GRIN2B: variants seen among roughly 807,000 people sequenced by gnomAD.
The protein encoded by GRIN2B is glutamate ionotropic receptor NMDA type subunit 2B, also known as glutamate receptor ionotropic, NMDA 2B.
A neutral mutation model predicts 114.5 loss-of-function variants in GRIN2B; 5 were observed. The observed-to-expected ratio is 0.04, with a 90% CI of 0.02 to 0.09. The LOEUF (loss-of-function observed/expected upper bound fraction) is 0.09, where lower values mean the gene tolerates loss of function less well. GRIN2B is among the 10% of genes least tolerant of loss of function. GRIN2B has a pLI of 1.00. For synonymous variants in GRIN2B, 787 were observed against 745.1 expected, an observed-to-expected ratio of 1.06 and a Z score of -0.92; for missense variants, 1,108 against 1,943.5, an observed-to-expected ratio of 0.57 and a Z score of 8.08.
At chr12:13,817,374 A>G (rs780054480) in intron 3 of GRIN2B, among the ~76,000 whole-genome samples, 1 of 152,168 alleles carries the variant, frequency 6.6e-6, no homozygotes, top group Non-Finnish European at 1.5e-5. Flanking sequence ...GTTAGTCAGC[A>G]GATGCTCGGG....
chr12:13,942,008 G>A (rs1181944040), intron 2 of GRIN2B, among the ~76,000 whole-genome samples: 1 of 152,168 alleles, frequency 6.6e-6, no homozygotes, highest in Non-Finnish European at 1.5e-5. Flanking sequence ...AAGTTTGTGT[G>A]CCCCATAGCA....
At chr12:13,848,968 T>C (rs1041473479) in intron 3 of GRIN2B, among the ~76,000 whole-genome samples, 20 of 152,188 alleles carry the variant, frequency 1.3e-4, no homozygotes, top group Non-Finnish European at 1.5e-5. Flanking sequence ...TTCCCTTTCA[T>C]TGACCAGTGA....
intron 2 of GRIN2B, among the ~76,000 whole-genome samples, chr12:13,898,401 C>T (rs1157870710): frequency 6.6e-6 from 1 of 152,234 alleles, no homozygotes; most frequent in Admixed American, 6.5e-5. Context: ...GACCACACAA[C>T]TAATAAATGG....
intron 2 of GRIN2B, among the ~76,000 whole-genome samples, chr12:13,944,536 A>G (rs172677): frequency 0.64 from 96,589 of 151,832 alleles, 31,229 homozygotes; most frequent in East Asian, 0.95. Flanking sequence ...TGCCTTTGAG[A>G]AAAATGGTAA....
Position 13,538,180 on chromosome 12 carries a change from T to G in GRIN2B, c.*24603A>C, listed in dbSNP as rs549281910. On this transcript the variant is annotated 3_prime_UTR_variant, in exon 14 of 14. Transcript: ENST00000609686. ...CCTGGGACAGCCAAGGAGGCTCATC[T>G]TTCCGGAACAGTTGGCTGATGGGGA... 1 of 152,220 alleles carries G rather than the reference T, an allele frequency of 6.6e-6. No homozygotes were observed. The highest frequency in any genetic ancestry group is 1.5e-5 in the Non-Finnish European group (1 of 68,058). 9.4% of individuals were successfully genotyped at this position (152,220 alleles called of 1,614,324 possible). A position where few individuals can be genotyped will look rare whatever the true frequency, so the allele number is the denominator to read the frequency against.
intron 2 of GRIN2B, among the ~76,000 whole-genome samples, chr12:13,878,290 A>G (rs1055200750): frequency 2.6e-5 from 4 of 152,138 alleles, no homozygotes; most frequent in Admixed American, 2.6e-4. Context: ...GGCTGGTTGT[A>G]TCACTTGACT....
chr12:13,821,128 T>G (rs1214659167), intron 3 of GRIN2B, among the ~76,000 whole-genome samples: 1 of 152,072 alleles, frequency 6.6e-6, no homozygotes, highest in Non-Finnish European at 1.5e-5. Flanking sequence ...CCATTTTTCT[T>G]GAATGCTTTC....
chr12:13,735,083 G>A (rs941532824), intron 4 of GRIN2B, among the ~76,000 whole-genome samples: 6 of 152,194 alleles, frequency 3.9e-5, no homozygotes, highest in Non-Finnish European at 2.9e-5. Context: ...GCCAAGAAAT[G>A]TGGACCACAT....
rs1477927475 is a variant in GRIN2B, at chr12:13,543,784, T to C, written c.*18999A>G. On this transcript the variant is annotated 3_prime_UTR_variant, in exon 14 of 14. Transcript: ENST00000609686. ...TAACTGATGAACTCCTTTCATAGTTTACTAAAAATCAATCAGAAAAAGCAT... is the reference window on the plus strand; with the variant it reads ...TAACTGATGAACTCCTTTCATAGTTCACTAAAAATCAATCAGAAAAAGCAT... 1 of 152,158 alleles carries C rather than the reference T, an allele frequency of 6.6e-6. No individual in the cohort carries two copies. The highest frequency in any genetic ancestry group is 6.5e-5 in the Admixed American group (1 of 15,278). 9.4% of individuals were successfully genotyped at this position (152,158 alleles called of 1,614,324 possible).
chr12:13,603,712 A>G lies in GRIN2B; in HGVS notation c.2010+4891T>C, dbSNP rs142130018. ...TGGAATCAAGGCATTACATTAAAGGATAGGGAATTAAATAGGAAAGTGGGG... is the reference window on the plus strand; with the variant it reads ...TGGAATCAAGGCATTACATTAAAGGGTAGGGAATTAAATAGGAAAGTGGGG... On this transcript the variant is annotated intron_variant, in intron 10 of 13. Transcript: ENST00000609686. Among the ~76,000 whole-genome samples, 1,032 of 152,086 alleles carry G rather than the reference A, an allele frequency of 6.8e-3. 6 individuals carry two copies. Among genetic ancestry groups the G allele is most frequent in the Middle Eastern group, 0.021 (6 of 292 alleles).
intron 2 of GRIN2B, among the ~76,000 whole-genome samples, chr12:13,897,240 G>T (rs981010849): frequency 4.6e-5 from 7 of 152,078 alleles, no homozygotes; most frequent in Non-Finnish European, 7.4e-5. Context: ...CCTCACTCAC[G>T]CGGGGAGACT....
At chr12:13,850,806 C>A (rs976368060) in intron 3 of GRIN2B, among the ~76,000 whole-genome samples, 1 of 152,140 alleles carries the variant, frequency 6.6e-6, no homozygotes, top group Non-Finnish European at 1.5e-5. Flanking sequence ...CTGGTGAAAT[C>A]CATGGACTTC....
intron 4 of GRIN2B, among the ~76,000 whole-genome samples, chr12:13,712,083 A>G (rs1489875054): frequency 6.6e-6 from 1 of 152,136 alleles, no homozygotes; most frequent in Non-Finnish European, 1.5e-5. Context: ...TTGTAGGGAC[A>G]TGGATGAAGC....
At chr12:13,793,154 CCCAGCA>C (rs144226824) in intron 3 of GRIN2B, among the ~76,000 whole-genome samples, 6,650 of 152,296 alleles carry the variant, frequency 0.044, 212 homozygotes, top group African/African-American at 0.094. Flanking sequence ...CGCCTGTAAT[CCCAGCA>C]CTTTGGGAGG....
intron 2 of GRIN2B, among the ~76,000 whole-genome samples, chr12:13,935,378 T>G (rs1867107845): frequency 6.6e-6 from 1 of 152,232 alleles, no homozygotes; most frequent in African/African-American, 2.4e-5. Context: ...TAATCATATG[T>G]GCATTTATGA....
At chr12:13,975,594 A>G (rs151023443) in intron 2 of GRIN2B, among the ~76,000 whole-genome samples, 1 of 152,202 alleles carries the variant, frequency 6.6e-6, no homozygotes, top group Non-Finnish European at 1.5e-5. Context: ...CCCTTCCTAA[A>G]CCCAACAGAA....
intron 4 of GRIN2B, among the ~76,000 whole-genome samples, chr12:13,725,662 G>A (rs1027286203): frequency 6.6e-6 from 1 of 152,082 alleles, no homozygotes; most frequent in African/African-American, 2.4e-5. Context: ...TTATGGAAAA[G>A]CATCACAAAA....
At chr12:13,853,500 C>T (rs892979211) in intron 3 of GRIN2B, among the ~76,000 whole-genome samples, 2 of 152,150 alleles carry the variant, frequency 1.3e-5, no homozygotes, top group Non-Finnish European at 2.9e-5. Flanking sequence ...TTTGAAAGAG[C>T]GCTAATAAAG....
chr12:13,571,535 CATTT>C (rs1409499002), intron 11 of GRIN2B, among the ~76,000 whole-genome samples: 2 of 152,188 alleles, frequency 1.3e-5, no homozygotes, highest in African/African-American at 4.8e-5. Context: ...CCTACTTCTA[CATTT>C]ATTTCACTCT....
Sources: allele counts gnomAD v4.1 joint callset (sites outside exome capture counted in the v4.1 genomes callset), GRCh38; gene constraint gnomAD v4.1.1; transcripts MANE v1.5; gene names NCBI Gene and HGNC (gene_info 2026-07-23, HGNC 2026-07-21).